The following RALGAPA1 variants were observed in gnomAD, a reference collection of about 807,000 sequenced individuals.
The protein encoded by RALGAPA1 is ral GTPase-activating protein subunit alpha-1.
Under a neutral mutation model 269.6 loss-of-function variants are expected in RALGAPA1, and 52 were observed. That is an observed-to-expected ratio of 0.19 (90% CI 0.15 to 0.24). RALGAPA1 has a LOEUF of 0.24. RALGAPA1 is among the 10% of genes least tolerant of loss of function. The pLI, the probability that RALGAPA1 is intolerant of heterozygous loss-of-function variation, is 1.00. For synonymous variants in RALGAPA1, 817 were observed against 1,008.3 expected (o/e 0.81, Z 3.60); for missense variants, 1,917 against 3,013.9 (o/e 0.64, Z 8.52).
chr14:35,602,024 C>T (rs187027878), intron 36 of RALGAPA1, among the ~76,000 whole-genome samples: 64 of 152,288 alleles, frequency 4.2e-4, no homozygotes, highest in Admixed American at 3.7e-3. Flanking sequence ...CTTTCTGTCT[C>T]TATAAATACA....
chr14:35,681,674 C>T (rs1241667895), intron 21 of RALGAPA1, among the ~76,000 whole-genome samples: 1 of 151,792 alleles, frequency 6.6e-6, no homozygotes, highest in Non-Finnish European at 1.5e-5. Flanking sequence ...TTAAACACAC[C>T]CACCTTTAAG....
At chr14:35,759,290 G>A (rs1197121647) in intron 6 of RALGAPA1, among the ~76,000 whole-genome samples, 1 of 152,110 alleles carries the variant, frequency 6.6e-6, no homozygotes, top group Non-Finnish European at 1.5e-5. Context: ...TTATAAATAA[G>A]AGGTAGTACC....
intron 11 of RALGAPA1, among the ~76,000 whole-genome samples, chr14:35,741,439 T>A (rs1366686785): frequency 1.3e-5 from 2 of 151,840 alleles, no homozygotes; most frequent in East Asian, 3.9e-4. Context: ...GGGTGCTCTA[T>A]GTTTGTGTGT....
At chr14:35,728,310 A>G in intron 13 of RALGAPA1, 52 bp downstream of exon 13, 5 of 1,387,250 alleles carry the variant, frequency 3.6e-6, no homozygotes, top group Non-Finnish European at 4.7e-6. Context: ...AAATTACTAT[A>G]CCTGTGTACA....
At chr14:35,749,186 T>G (rs575370177) in intron 9 of RALGAPA1, among the ~76,000 whole-genome samples, 28 of 152,290 alleles carry the variant, frequency 1.8e-4, no homozygotes, top group African/African-American at 6.5e-4. Flanking sequence ...AGTAAATAAC[T>G]TAACATCAGA....
At chr14:35,749,022 C>G (rs1004113339) in intron 9 of RALGAPA1, among the ~76,000 whole-genome samples, 198 bp from the exon 10 acceptor site, 1 of 152,092 alleles carries the variant, frequency 6.6e-6, no homozygotes, top group African/African-American at 2.4e-5. Flanking sequence ...AACTCAACAT[C>G]TAAGTGACAG....
At chr14:35,695,605 G>C (rs1264731349) in intron 17 of RALGAPA1, among the ~76,000 whole-genome samples, 1 of 152,168 alleles carries the variant, frequency 6.6e-6, no homozygotes, top group African/African-American at 2.4e-5. Context: ...TTTGGGAACT[G>C]GTTGAAAGAA....
intron 8 of RALGAPA1, among the ~76,000 whole-genome samples, chr14:35,751,814 A>AC (rs1464798615): frequency 2.6e-5 from 4 of 151,494 alleles, no homozygotes; most frequent in African/African-American, 9.7e-5. Flanking sequence ...AACAACAACA[A>AC]AAAAAAACAA....
intron 37 of RALGAPA1, among the ~76,000 whole-genome samples, chr14:35,594,083 A>G (rs1313345025): frequency 6.6e-6 from 1 of 152,112 alleles, no homozygotes; most frequent in Non-Finnish European, 1.5e-5. Context: ...TCCACACGGA[A>G]AAGAATAAAA....
At chr14:35,686,842 CTTTA>C (rs2065982247) in intron 18 of RALGAPA1, among the ~76,000 whole-genome samples, 176 bp from the exon 19 acceptor site, 1 of 152,172 alleles carries the variant, frequency 6.6e-6, no homozygotes, top group Non-Finnish European at 1.5e-5. Context: ...TTGATATTTA[CTTTA>C]TTTAACTAAG....
intron 16 of RALGAPA1, among the ~76,000 whole-genome samples, chr14:35,712,042 T>A (rs1011873207): frequency 2.6e-5 from 4 of 152,128 alleles, no homozygotes; most frequent in Non-Finnish European, 4.4e-5. Flanking sequence ...AGGTCAGGAC[T>A]TTGAGACCAG....
At chr14:35,779,777 T>A (rs898476238) in intron 1 of RALGAPA1, among the ~76,000 whole-genome samples, 1 of 152,142 alleles carries the variant, frequency 6.6e-6, no homozygotes, top group African/African-American at 2.4e-5. Context: ...TTCCTTCCCA[T>A]AAGGCATGCT....
intron 27 of RALGAPA1, among the ~76,000 whole-genome samples, chr14:35,661,414 T>C (rs1480782290): frequency 6.6e-6 from 1 of 152,088 alleles, no homozygotes; most frequent in African/African-American, 2.4e-5. Flanking sequence ...AAGGGTAAAA[T>C]ATTGAAGTGG....
intron 39 of RALGAPA1, among the ~76,000 whole-genome samples, chr14:35,569,585 T>A (rs1374535519): frequency 6.6e-6 from 1 of 152,198 alleles, no homozygotes; most frequent in African/African-American, 2.4e-5. Flanking sequence ...TTAGGCAATC[T>A]GGCTCTGGAA....
At chr14:35,679,249 T>C (rs2065210121) in intron 21 of RALGAPA1, among the ~76,000 whole-genome samples, 1 of 152,216 alleles carries the variant, frequency 6.6e-6, no homozygotes. Context: ...AATATCAATA[T>C]TCTGAACTCA....
chr14:35,773,927 ATTATTT>A (rs2074825665), intron 3 of RALGAPA1, among the ~76,000 whole-genome samples: 1 of 151,932 alleles, frequency 6.6e-6, no homozygotes, highest in South Asian at 2.1e-4. Context: ...TATTATTATT[ATTATTT>A]TTGAGACAGG....
At chr14:35,716,397 C>CAAAAA (rs78953823) in intron 16 of RALGAPA1, among the ~76,000 whole-genome samples, 5 of 44,594 alleles carry the variant, frequency 1.1e-4, no homozygotes, top group South Asian at 9.3e-4. Flanking sequence ...GACTCCGTCT[C>CAAAAA]AAAAAAAAAA....
chr14:35,659,728 A>G (rs561430443), intron 27 of RALGAPA1, among the ~76,000 whole-genome samples: 7 of 152,228 alleles, frequency 4.6e-5, no homozygotes, highest in Admixed American at 3.3e-4. Context: ...AAAATCCTCA[A>G]TAAAATACTA....
chr14:35,804,600 A>AATAAATAC (rs2141960926), intron 1 of RALGAPA1, among the ~76,000 whole-genome samples: 1 of 133,528 alleles, frequency 7.5e-6, no homozygotes, highest in East Asian at 2.1e-4. Flanking sequence ...TAAATAAATA[A>AATAAATAC]ATAAATAAAT....
Sources: gnomAD v4.1 joint callset for allele counts (sites outside exome capture counted in the v4.1 genomes callset) on GRCh38, gnomAD v4.1.1 for gene constraint, MANE v1.5 for transcripts, NCBI Gene and HGNC (gene_info 2026-07-23, HGNC 2026-07-21) for gene names.